Variants in DNAH10 observed in about 807,000 individuals in gnomAD.
DNAH10 encodes axonemal beta dynein heavy chain 10.
DNAH10 carries 348 observed loss-of-function variants against 506.6 expected under a neutral mutation model. The ratio of observed to expected loss-of-function variants is 0.69; its 90% CI spans 0.63 to 0.75. The LOEUF is 0.75. Ranked by LOEUF, DNAH10 falls within the 30% of genes least tolerant of loss-of-function variation. The pLI, the probability that DNAH10 is intolerant of heterozygous loss-of-function variation, is 0.00. For missense variants in DNAH10, 5,179 were observed against 5,787.1 expected, an observed-to-expected ratio of 0.89 and a Z score of 3.41; for synonymous variants, 2,059 against 2,198.6, an observed-to-expected ratio of 0.94 and a Z score of 1.78.
In DNAH10 at chr12:123,787,148, A is replaced by G. The variant is rs1215940525; in HGVS notation, c.1422-656A>G. Among the ~76,000 whole-genome samples the G allele has an allele frequency of 1.3e-5, 2 of 152,238 alleles. No homozygotes were observed. The highest frequency in any genetic ancestry group is 4.8e-5 in the African/African-American group (2 of 41,466). On this transcript the variant is annotated intron_variant, in intron 9 of 78. Coordinates refer to ENST00000673944, the MANE Select transcript of DNAH10 (RefSeq NM_001372106.1). This position sits in a 1 kb window ranked among gnomAD's most constrained non-coding sequence, Gnocchi z 4.6. ...CATCTAGCGATCTATCTAGATAGACAGATCTATCTGGATATCTATGTAGAT... is the reference window on the plus strand; with the variant it reads ...CATCTAGCGATCTATCTAGATAGACGGATCTATCTGGATATCTATGTAGAT...
intron 65 of DNAH10, 187 bp from the exon 66 acceptor site, chr12:123,923,576 A>T (rs1954819405): frequency 5.9e-6 from 3 of 504,296 alleles, no homozygotes; most frequent in Non-Finnish European, 1.0e-5. Context: ...CTGGGGCATG[A>T]CCTAGGAACT....
rs145993706 is a variant in DNAH10, at chr12:123,869,831, G to A, written c.7520-535G>A. ...AAGTAAAGCCTTGCATGGCCTGAGC[G>A]GAGGCGATGGTGATTACTCGGGCAC... is the stretch of plus-strand genomic sequence containing the variant. On this transcript the variant is annotated intron_variant, in intron 43 of 78. Coordinates refer to ENST00000673944, the MANE Select transcript of DNAH10 (RefSeq NM_001372106.1). Among the ~76,000 whole-genome samples, 151 of 152,296 alleles carry A rather than the reference G, an allele frequency of 9.9e-4. 1 individual carries two copies. Among genetic ancestry groups the A allele is most frequent in the African/African-American group, 3.1e-3 (130 of 41,564 alleles).
Position 123,859,174 on chromosome 12 carries a change from G to A in DNAH10, c.6655G>A (p.Glu2219Lys), listed in dbSNP as rs762855048. Residue 2219 changes from glutamate (E) to lysine (K), a missense_variant, in exon 38 of 79, where the codon GAG becomes AAG. Glu to Lys is a moderately conservative substitution (Grantham distance 56). Coordinates refer to ENST00000673944, the MANE Select transcript of DNAH10 (RefSeq NM_001372106.1). ...GGTGGATAAAGTGGTTCAAATGTTC[G>A]AGACCATGTTAACCCGCCACACGAC... The part of the protein sequence containing the change: ...IQVDKVVQMF[E>K]TMLTRHTTMV... The A allele has an allele frequency of 7.4e-6, 12 of 1,611,128 alleles. No individual in the cohort carries two copies. Among genetic ancestry groups the A allele is most frequent in the South Asian group, 3.3e-5 (3 of 90,186 alleles).
Position 123,803,782 on chromosome 12 carries a change from T to A in DNAH10, c.2736T>A (p.Asn912Lys), listed in dbSNP as rs755335504. ...GGCTGACATTAATAGAGGCCATAAA[T>A]CTCTTTAAATATCCAGCCGCTAAAA... is the stretch of plus-strand genomic sequence containing the variant. ...SSRLTLIEAI[N>K]LFKYPAAKSE... Residue 912 changes from asparagine to lysine, a missense_variant, in exon 17 of 79, where the codon AAT becomes AAA. Asn to Lys is a moderately conservative substitution (Grantham distance 94, BLOSUM62 0). This residue lies in a region of DNAH10 where 4,844 missense variants were observed against 5,430.5 expected (regional missense o/e 0.89). Transcript: ENST00000673944. The A allele has an allele frequency of 6.2e-7, 1 of 1,611,530 alleles. No individual in the cohort carries two copies.
chr12:123,864,611 G>A lies in DNAH10; in HGVS notation c.6925G>A (p.Gly2309Ser), dbSNP rs1303827013. The A allele has an allele frequency of 8.7e-6, 14 of 1,613,704 alleles. No individual in the cohort carries two copies. The highest frequency in any genetic ancestry group is 1.1e-5 in the Non-Finnish European group (13 of 1,179,840). The change falls in exon 40 of 79, where the codon GGT becomes AGT. Residue 2309 changes from glycine to serine, a missense_variant. Transcript: ENST00000673944. Reference sequence around the variant, plus strand: ...TTGCTGCAGGTATATTTTATTTGATGGTGATGTGGATGCTCTATGGGTGGA... The same window carrying A: ...TTGCTGCAGGTATATTTTATTTGATAGTGATGTGGATGCTCTATGGGTGGA... Reference protein sequence around the residue: ...KKERKYILFDGDVDALWVENM... With the variant: ...KKERKYILFDSDVDALWVENM...
intron 24 of DNAH10, among the ~76,000 whole-genome samples, chr12:123,821,575 C>A (rs981818751): frequency 6.6e-6 from 1 of 152,160 alleles, no homozygotes; most frequent in African/African-American, 2.4e-5. Flanking sequence ...TCAAGCGATC[C>A]TCCTGCCTTG....
chr12:123,913,141 T>G lies in DNAH10; in HGVS notation c.10178T>G (p.Leu3393Arg). 6.2e-7 allele frequency: 1 copy of G among 1,612,008 alleles called. No individual in the cohort carries two copies. The highest frequency in any genetic ancestry group is 8.5e-7 in the Non-Finnish European group (1 of 1,179,464). Residue 3393 changes from leucine to arginine, a missense_variant, in exon 60 of 79, where the codon CTG becomes CGG. Physicochemically the swap from Leu to Arg is moderately radical, Grantham distance 102 (BLOSUM62 -2). Transcript: ENST00000673944. The surrounding 1 kb of genome is among the most constrained non-coding windows in gnomAD (Gnocchi z 5.1). ...AATTTTTACCTCACTAAACGGGAAC[T>G]GGAAAGGATCCAGAATGAGTTGGCA... ...ERNFYLTKRE[L>R]ERIQNELAAI...
chr12:123,771,466 C>T, intron 2 of DNAH10, 135 bp from the exon 3 acceptor site: 1 of 723,464 alleles, frequency 1.4e-6, no homozygotes, highest in Non-Finnish European at 2.4e-6. Context: ...TTGATTGGAA[C>T]AGAAGGTATG....
chr12:123,872,834 C>A (rs1224847586), intron 45 of DNAH10, among the ~76,000 whole-genome samples: 1 of 152,172 alleles, frequency 6.6e-6, no homozygotes, highest in Non-Finnish European at 1.5e-5. Context: ...AAAACAAAAA[C>A]ACCCTGATCT....
intron 57 of DNAH10, among the ~76,000 whole-genome samples, chr12:123,904,465 G>T (rs1594335817): frequency 6.6e-6 from 1 of 152,040 alleles, no homozygotes; most frequent in Non-Finnish European, 1.5e-5. Flanking sequence ...TTTTTGAAGG[G>T]GATTTATTTG....
Position 123,803,806 on chromosome 12 carries a change from A to C in DNAH10, c.2760A>C (p.Lys920Asn), listed in dbSNP as rs1464242227. ...ATCTCTTTAAATATCCAGCCGCTAA[A>C]AGTGAGGAAGAACTCCCAGGTAGAT... Reference protein sequence around the residue: ...AINLFKYPAAKSEEELPGVKE... With the variant: ...AINLFKYPAANSEEELPGVKE... Residue 920 changes from lysine (K) to asparagine (N), a missense_variant, in exon 17 of 79, where the codon AAA becomes AAC. Physicochemically the swap from Lys to Asn is moderately conservative, Grantham distance 94 (BLOSUM62 0). This residue lies in a region of DNAH10 where 4,844 missense variants were observed against 5,430.5 expected (regional missense o/e 0.89). Transcript: ENST00000673944. 6.2e-7 allele frequency: 1 copy of C among 1,611,370 alleles called. No homozygotes were observed. The highest frequency in any genetic ancestry group is 1.1e-5 in the South Asian group (1 of 90,396).
At chr12:123,847,200 A>G (rs1454868602) in intron 32 of DNAH10, among the ~76,000 whole-genome samples, 1 of 150,174 alleles carries the variant, frequency 6.7e-6, no homozygotes, top group Non-Finnish European at 1.5e-5. Context: ...CCATGTATCT[A>G]TCCATCCATC....
rs1953375454 is a variant in DNAH10, at chr12:123,898,754, G to A, written c.9580G>A (p.Ala3194Thr). Residue 3194 changes from alanine to threonine, a missense_variant, in exon 56 of 79, where the codon GCG (alanine) becomes ACG (threonine). Ala to Thr is a moderately conservative substitution (Grantham distance 58). Around this residue, in one of 3 missense-constraint regions of DNAH10, gnomAD observed 4,844 missense variants for 5,430.5 expected, o/e 0.89. Transcript: ENST00000673944. Reference protein sequence around the residue: ...QKLAEQKIVLAEKSAACEALL... With the variant: ...QKLAEQKIVLTEKSAACEALL... ...GCTGGCCGAGCAGAAGATCGTGCTGGCGGAGAAGTCCGCCGCCTGCGAGGC... is the reference window on the plus strand; with the variant it reads ...GCTGGCCGAGCAGAAGATCGTGCTGACGGAGAAGTCCGCCGCCTGCGAGGC... The A allele has an allele frequency of 2.5e-6, 4 of 1,612,314 alleles. No homozygotes were observed. Among genetic ancestry groups the A allele is most frequent in the African/African-American group, 2.7e-5 (2 of 74,896 alleles).
At position 123,929,752 on chromosome 12, in the gene DNAH10, T is replaced by C. The variant is rs767370719; in HGVS notation, c.12605T>C (p.Ile4202Thr). Residue 4202 changes from isoleucine (I) to threonine (T), a missense_variant, in exon 72 of 79, where the codon ATT becomes ACT. This residue lies in a region of DNAH10 where 4,844 missense variants were observed against 5,430.5 expected (regional missense o/e 0.89). Transcript: ENST00000673944. ...CCGTGGGGCAGCCTCAAGTACCTAATTGGAGAGGTAGGGGTGACCGGGGAT... is the reference window on the plus strand; with the variant it reads ...CCGTGGGGCAGCCTCAAGTACCTAACTGGAGAGGTAGGGGTGACCGGGGAT... ...RIPWGSLKYLIGEVMYGGRAI... is the reference protein window; with the variant it reads ...RIPWGSLKYLTGEVMYGGRAI... 43 of 1,611,772 alleles carry C rather than the reference T, an allele frequency of 2.7e-5. No homozygotes were observed. The South Asian group carries it at 4.4e-4, about 17-fold the overall frequency.
Position 123,857,271 on chromosome 12 carries a change from C to T in DNAH10, c.6630+24C>T, listed in dbSNP as rs148904438. 233 of 1,516,280 alleles carry T rather than the reference C, an allele frequency of 1.5e-4. 5 individuals are homozygous for T. The East Asian group carries it at 5.8e-3, about 37-fold the overall frequency. The allele number at this position is 1,516,280 out of a possible 1,614,324, so 93.9% of individuals were successfully genotyped here. A position where few individuals can be genotyped will look rare whatever the true frequency, so the allele number is the denominator to read the frequency against. ...AGGTAAAGCCAGGAAAATGACCTCACTGTGGCCGTGCATCCTTTCCATTGG... is the reference window on the plus strand; with the variant it reads ...AGGTAAAGCCAGGAAAATGACCTCATTGTGGCCGTGCATCCTTTCCATTGG... On this transcript the variant is annotated intron_variant, in intron 37 of 78. Transcript: ENST00000673944.
At position 123,762,654 on chromosome 12, in the gene DNAH10, G is replaced by A. The variant is rs1956871039; in HGVS notation, c.214+104G>A. ...TAGAGCCTGCCCATCGTCCGGCCCC[G>A]GCCTCAGGTGCTGTCCACAAACGCT... On this transcript the variant is annotated intron_variant, in intron 1 of 78. Coordinates refer to ENST00000673944, the MANE Select transcript of DNAH10 (RefSeq NM_001372106.1). The surrounding 1 kb of genome is among the most constrained non-coding windows in gnomAD (Gnocchi z 5.0). 1.6e-6 allele frequency: 2 copies of A among 1,253,998 alleles called. No individual in the cohort carries two copies. Among genetic ancestry groups the A allele is most frequent in the African/African-American group, 1.5e-5 (1 of 64,868 alleles). The allele number at this position is 1,253,998 out of a possible 1,614,324, so 77.7% of individuals were successfully genotyped here.
At chr12:123,822,219 TA>T (rs888135469) in intron 24 of DNAH10, among the ~76,000 whole-genome samples, 3 of 152,058 alleles carry the variant, frequency 2.0e-5, no homozygotes, top group Non-Finnish European at 4.4e-5. Context: ...AAAATAAAAA[TA>T]AAAAAGTTGC....
intron 43 of DNAH10, among the ~76,000 whole-genome samples, chr12:123,869,668 G>A (rs992221341): frequency 2.0e-5 from 3 of 152,132 alleles, no homozygotes; most frequent in Non-Finnish European, 2.9e-5. Context: ...AGTGGAAGAG[G>A]CCACCCCCAC....
intron 37 of DNAH10, among the ~76,000 whole-genome samples, 158 bp downstream of exon 37, chr12:123,857,405 CA>C (rs1476881885): frequency 1.3e-5 from 2 of 152,326 alleles, no homozygotes; most frequent in Admixed American, 6.5e-5. Context: ...ATACACATAA[CA>C]ATATTTACCA....
Sources: gnomAD v4.1 joint callset for allele counts (sites outside exome capture counted in the v4.1 genomes callset) on GRCh38, gnomAD v4.1.1 for gene constraint, gnomAD v4.1.1 regional missense constraint, Gnocchi (gnomAD v3.1) non-coding constraint, MANE v1.5 for transcripts, NCBI Gene and HGNC (gene_info 2026-07-23, HGNC 2026-07-21) for gene names.